The following XIAP variants were observed in gnomAD, a reference collection of about 807,000 sequenced individuals.
The protein encoded by XIAP is X-linked inhibitor of apoptosis.
XIAP carries 3 observed loss-of-function variants against 33.1 expected under a neutral mutation model. The ratio of observed to expected loss-of-function variants is 0.09; its 90% confidence interval spans 0.04 to 0.23. XIAP has a LOEUF of 0.23. Ranked by LOEUF, XIAP falls within the 10% of genes least tolerant of loss-of-function variation. The probability of loss-of-function intolerance (pLI) is 1.00; values close to 1 mark genes in which losing one functional copy is unlikely to be tolerated. For missense variants in XIAP, 264 were observed against 363.0 expected, an observed-to-expected ratio of 0.73 and a Z score of 2.22; for synonymous variants, 98 against 121.3, an observed-to-expected ratio of 0.81 and a Z score of 1.26.
chrX:123,889,992 T>C (rs1180835522), intron 3 of XIAP, among the ~76,000 whole-genome samples: 2 of 94,313 alleles, frequency 2.1e-5, no homozygotes, highest in Non-Finnish European at 4.1e-5. Flanking sequence ...CATACAGTTG[T>C]TCACATTTTT....
chrX:123,906,028 A>G (rs1425168425), intron 6 of XIAP, among the ~76,000 whole-genome samples: 6 of 112,818 alleles, frequency 5.3e-5, no homozygotes, highest in African/African-American at 1.9e-4. Flanking sequence ...AAATAAATAA[A>G]TAGTTGTGAT....
At chrX:123,899,852 A>G (rs1232147717) in intron 5 of XIAP, among the ~76,000 whole-genome samples, 2 of 110,968 alleles carry the variant, frequency 1.8e-5, no homozygotes, top group African/African-American at 3.3e-5. Context: ...ACTCTTGTGC[A>G]TATCTTTGGC....
At position 123,910,867 on chromosome X, in the gene XIAP, CA is replaced by C. The variant is rs762141177; in HGVS notation, c.*3702del. On this transcript the variant is annotated 3_prime_UTR_variant, in exon 7 of 7. Transcript: ENST00000371199. ...TGGGCAACAGAGCAAGACTCTGTCT[CA>C]AAAAAAAAAAAAAAAGAAATAAGAA... The C allele has an allele frequency of 0.12, 23,036 of 187,026 alleles. 7 individuals carry two copies. The highest frequency in any genetic ancestry group is 0.14 in the Admixed American group (2,146 of 15,494). The allele number at this position is 187,026 out of a possible 1,213,427, so 15.4% of individuals were successfully genotyped here.
chrX:123,879,969 C>A (rs2053283472), intron 1 of XIAP, among the ~76,000 whole-genome samples: 1 of 108,774 alleles, frequency 9.2e-6, no homozygotes, highest in African/African-American at 3.3e-5. Context: ...AAAAAATTAG[C>A]TGGGTGTGGT....
At chrX:123,898,527 TA>T (rs2053481137) in intron 5 of XIAP, among the ~76,000 whole-genome samples, 2 of 109,673 alleles carry the variant, frequency 1.8e-5, no homozygotes, top group South Asian at 3.9e-4. Flanking sequence ...TATGCCCGGG[TA>T]ATTTTTTTTT....
chrX:123,912,339 G>T lies in XIAP; in HGVS notation c.*5158G>T. ...CTATTTACATAGCATTAAGGTTGGT[G>T]CAAAAATGCAAAAAAAAAAAAAGCA... On this transcript the variant is annotated 3_prime_UTR_variant, in exon 7 of 7. Transcript: ENST00000371199. 3.3e-6 allele frequency: 1 copy of T among 300,879 alleles called. No individual in the cohort carries two copies. The allele number at this position is 300,879 out of a possible 1,213,427, so 24.8% of individuals were successfully genotyped here.
At chrX:123,885,535 TTA>T in intron 1 of XIAP, 94 bp from the exon 2 acceptor site, 1 of 694,532 alleles carries the variant, frequency 1.4e-6, no homozygotes, top group South Asian at 2.7e-5. Context: ...GTAGTTATTT[TTA>T]TGTCATAAGT....
chrX:123,874,578 C>T (rs1171795686), intron 1 of XIAP: 1 of 110,963 alleles, frequency 9.0e-6, no homozygotes, highest in Admixed American at 9.8e-5. Context: ...TTAATGGTTA[C>T]CTGGTGGCCC....
At chrX:123,900,466 C>A (rs1257921743) in intron 5 of XIAP, 27 bp from the exon 6 acceptor site, 4 of 1,152,130 alleles carry the variant, frequency 3.5e-6, no homozygotes, top group Non-Finnish European at 4.7e-6. Context: ...ATTCTATGTT[C>A]TTTTTCCTCA....
intron 1 of XIAP, among the ~76,000 whole-genome samples, chrX:123,865,353 G>A (rs1454989837): frequency 7.2e-5 from 8 of 111,389 alleles, no homozygotes; most frequent in Non-Finnish European, 1.5e-4. Context: ...CTGTGGGATT[G>A]TGCATGTCAA....
intron 4 of XIAP, 150 bp from the exon 5 acceptor site, chrX:123,892,581 T>C: frequency 4.4e-6 from 2 of 451,274 alleles, no homozygotes; most frequent in Non-Finnish European, 7.8e-6. Flanking sequence ...TCCTTCTAGC[T>C]CCATCAGGCT....
chrX:123,913,683 CAAG>C lies in XIAP; in HGVS notation c.*6503_*6505del, dbSNP rs1350960900. On this transcript the variant is annotated 3_prime_UTR_variant, in exon 7 of 7. Transcript: ENST00000371199. ...AATTTGCAGTTTTGGTTTGATGTAA[CAAG>C]GGTTTTAATGTAATTTATGTTAGAT... 1 of 324,127 alleles carries C rather than the reference CAAG, an allele frequency of 3.1e-6. No individual in the cohort carries two copies. Among genetic ancestry groups the C allele is most frequent in the African/African-American group, 2.6e-5 (1 of 37,806 alleles). The allele number at this position is 324,127 out of a possible 1,213,427, so 26.7% of individuals were successfully genotyped here.
chrX:123,860,595 C>T (rs1023842156), intron 1 of XIAP: 17 of 244,787 alleles, frequency 6.9e-5, no homozygotes, highest in Non-Finnish European at 1.0e-4. Flanking sequence ...AAGGGATTTC[C>T]TCCCCATGTG....
chrX:123,875,411 T>C (rs922317252), intron 1 of XIAP, among the ~76,000 whole-genome samples: 2 of 111,928 alleles, frequency 1.8e-5, no homozygotes, highest in Non-Finnish European at 3.8e-5. Flanking sequence ...TTAAGACTTT[T>C]AGAACATATA....
intron 4 of XIAP, among the ~76,000 whole-genome samples, chrX:123,891,846 A>G (rs1490206829): frequency 1.0e-5 from 1 of 98,136 alleles, no homozygotes; most frequent in Non-Finnish European, 2.1e-5. Context: ...AAAAAAAAAG[A>G]GAGAGCCTAA....
chrX:123,869,386 C>CAAAAAAAAAAAAAAAAAAAA (rs2053173664), intron 1 of XIAP, among the ~76,000 whole-genome samples: 1 of 52,025 alleles, frequency 1.9e-5, no homozygotes, highest in Non-Finnish European at 3.8e-5. Flanking sequence ...AAAAAAAAAG[C>CAAAAAAAAAAAAAAAAAAAA]TGGGTCATGC....
chrX:123,885,163 T>C (rs981586172), intron 1 of XIAP, among the ~76,000 whole-genome samples: 26 of 111,956 alleles, frequency 2.3e-4, no homozygotes, highest in African/African-American at 7.4e-4. Context: ...CAAAGAGATA[T>C]TAAAAATTAA....
At chrX:123,893,604 C>T (rs28745603) in intron 5 of XIAP, among the ~76,000 whole-genome samples, 21,518 of 110,966 alleles carry the variant, frequency 0.19, 1,482 homozygotes, top group South Asian at 0.39. Flanking sequence ...TGGCTGACAC[C>T]TGTAATCCCA....
chrX:123,862,005 C>CA (rs1268566994), intron 1 of XIAP, among the ~76,000 whole-genome samples: 2 of 112,039 alleles, frequency 1.8e-5, no homozygotes, highest in Non-Finnish European at 3.8e-5. Flanking sequence ...GTACTTGCTT[C>CA]AGTGGTAGCA....
Sources: gnomAD v4.1 joint callset for allele counts (sites outside exome capture counted in the v4.1 genomes callset) on GRCh38, gnomAD v4.1.1 for gene constraint, MANE v1.5 for transcripts, NCBI Gene and HGNC (gene_info 2026-07-23, HGNC 2026-07-21) for gene names.